ADARB2: variants seen among roughly 807,000 people sequenced by gnomAD.
ADARB2 encodes adenosine deaminase RNA specific B2 (inactive).
Under a neutral mutation model 62.2 loss-of-function variants are expected in ADARB2, and 25 were observed. That is an observed-to-expected ratio of 0.40 (90% CI 0.29 to 0.56). The LOEUF (loss-of-function observed/expected upper bound fraction) is 0.56. Ranked by LOEUF, ADARB2 falls within the 20% of genes least tolerant of loss-of-function variation. The probability of loss-of-function intolerance (pLI) is 0.43; values close to 1 mark genes in which losing one functional copy is unlikely to be tolerated. For missense variants in ADARB2, 1,071 were observed against 1,077.4 expected, an observed-to-expected ratio of 0.99 and a Z score of 0.08; for synonymous variants, 572 against 500.8, an observed-to-expected ratio of 1.14 and a Z score of -1.90.
chr10:1,329,929 CTTTT>C (rs370355543), intron 3 of ADARB2, among the ~76,000 whole-genome samples: 7 of 100,246 alleles, frequency 7.0e-5, no homozygotes, highest in Middle Eastern at 0.013. Flanking sequence ...GAAGAAGTGC[CTTTT>C]TTTTTTTTTT....
At chr10:1,638,934 G>T (rs1316546708) in intron 1 of ADARB2, among the ~76,000 whole-genome samples, 1 of 152,364 alleles carries the variant, frequency 6.6e-6, no homozygotes. Context: ...CTTAAAGGAG[G>T]TGGAGAGGCT....
chr10:1,440,196 C>A (rs972175612), intron 1 of ADARB2, among the ~76,000 whole-genome samples: 4 of 152,132 alleles, frequency 2.6e-5, no homozygotes, highest in African/African-American at 9.7e-5. Flanking sequence ...AGGATGGAGG[C>A]AGGCCCTTCA....
chr10:1,445,622 G>T (rs1830960757), intron 1 of ADARB2, among the ~76,000 whole-genome samples: 1 of 152,234 alleles, frequency 6.6e-6, no homozygotes, highest in South Asian at 2.1e-4. Context: ...GAGGAAATCA[G>T]AAATTTAATA....
At chr10:1,576,159 G>C (rs796784984) in intron 1 of ADARB2, among the ~76,000 whole-genome samples, 1 of 122,032 alleles carries the variant, frequency 8.2e-6, no homozygotes, top group African/African-American at 2.9e-5. Flanking sequence ...CACGGTCACA[G>C]GAGGGGGGTT....
intron 1 of ADARB2, among the ~76,000 whole-genome samples, chr10:1,611,540 A>C (rs554323630): frequency 6.6e-6 from 1 of 152,154 alleles, no homozygotes; most frequent in East Asian, 1.9e-4. Context: ...TCGTGGGATG[A>C]GAACTCGGCT....
At chr10:1,709,069 T>A (rs758089614) in intron 1 of ADARB2, among the ~76,000 whole-genome samples, 2 of 152,182 alleles carry the variant, frequency 1.3e-5, no homozygotes, top group African/African-American at 4.8e-5. Flanking sequence ...GCTGACCCCA[T>A]TGATCTAAAC....
chr10:1,584,768 T>G (rs1157363872), intron 1 of ADARB2, among the ~76,000 whole-genome samples: 1 of 152,076 alleles, frequency 6.6e-6, no homozygotes. Context: ...ATTCAGTGCT[T>G]GAAAGAAATG....
chr10:1,596,500 G>A (rs1200788818), intron 1 of ADARB2, among the ~76,000 whole-genome samples: 1 of 152,160 alleles, frequency 6.6e-6, no homozygotes, highest in Admixed American at 6.5e-5. Context: ...AAATATTCAC[G>A]TGCAACCCCC....
chr10:1,407,168 G>A (rs2805531), intron 1 of ADARB2, among the ~76,000 whole-genome samples: 10,217 of 152,264 alleles, frequency 0.067, 1,190 homozygotes, highest in African/African-American at 0.23. Flanking sequence ...CACAGTGGCA[G>A]GACTGGCACA....
At chr10:1,243,134 T>A (rs1243775330) in intron 4 of ADARB2, among the ~76,000 whole-genome samples, 4 of 152,148 alleles carry the variant, frequency 2.6e-5, no homozygotes, top group Non-Finnish European at 4.4e-5. Flanking sequence ...ATTAGACGGG[T>A]CAGTGTTGCC....
rs1428757674 is a variant in ADARB2 at position 1,180,002 on chromosome 10, C to T, written c.*3191G>A. The stretch of plus-strand genomic sequence containing the variant: ...GTCCCCTACTTGTGTCTTGCCCCCT[C>T]ACTTGGAGGGGAATGGGTGGCCACT... On this transcript the variant is annotated 3_prime_UTR_variant, in exon 10 of 10. Transcript: ENST00000381312. 1.3e-5 allele frequency: 2 copies of T among 152,020 alleles called. No homozygotes were observed. Among genetic ancestry groups the T allele is most frequent in the African/African-American group, 2.4e-5 (1 of 41,244 alleles). 9.4% of individuals were successfully genotyped at this position (152,020 alleles called of 1,614,324 possible).
chr10:1,193,275 C>T (rs536012250), intron 8 of ADARB2, among the ~76,000 whole-genome samples: 4 of 152,248 alleles, frequency 2.6e-5, no homozygotes, highest in East Asian at 1.9e-4. Flanking sequence ...GATGGACGAC[C>T]GCTCAGGTTC....
intron 1 of ADARB2, among the ~76,000 whole-genome samples, chr10:1,608,741 GAAGA>G (rs1833527193): frequency 1.5e-5 from 2 of 130,940 alleles, no homozygotes; most frequent in South Asian, 2.4e-4. Flanking sequence ...GAAAGAAAGA[GAAGA>G]AAGAAGGAAG....
At chr10:1,479,812 C>A (rs1831444919) in intron 1 of ADARB2, among the ~76,000 whole-genome samples, 1 of 152,210 alleles carries the variant, frequency 6.6e-6, no homozygotes, top group Non-Finnish European at 1.5e-5. Context: ...ACACACACTT[C>A]ATTCATTTGT....
intron 1 of ADARB2, among the ~76,000 whole-genome samples, chr10:1,427,098 A>G (rs1305223723): frequency 6.6e-6 from 1 of 152,248 alleles, no homozygotes; most frequent in Non-Finnish European, 1.5e-5. Flanking sequence ...ACTCACATGG[A>G]GTCCCAGCTG....
intron 1 of ADARB2, among the ~76,000 whole-genome samples, chr10:1,624,965 T>C (rs1588328272): frequency 6.6e-6 from 1 of 152,282 alleles, no homozygotes; most frequent in East Asian, 1.9e-4. Context: ...TATATCTCAA[T>C]AAAAATAAAT....
intron 1 of ADARB2, among the ~76,000 whole-genome samples, chr10:1,406,870 T>TG (rs1184466522): frequency 6.6e-6 from 1 of 152,004 alleles, no homozygotes; most frequent in African/African-American, 2.4e-5. Context: ...AGATGATGAA[T>TG]GGGGGGAGTG....
chr10:1,257,496 T>C (rs1831090523), intron 4 of ADARB2, among the ~76,000 whole-genome samples: 1 of 152,150 alleles, frequency 6.6e-6, no homozygotes, highest in South Asian at 2.1e-4. Flanking sequence ...ATCCCCTCTC[T>C]AACCTGGGAG....
At chr10:1,375,584 G>T (rs1258213406) in intron 2 of ADARB2, among the ~76,000 whole-genome samples, 1 of 152,230 alleles carries the variant, frequency 6.6e-6, no homozygotes, top group Non-Finnish European at 1.5e-5. Flanking sequence ...TGCAATACAC[G>T]CCAGGTGGGA....
Sources: allele counts gnomAD v4.1 joint callset (sites outside exome capture counted in the v4.1 genomes callset), GRCh38; gene constraint gnomAD v4.1.1; transcripts MANE v1.5; gene names NCBI Gene and HGNC (gene_info 2026-07-23, HGNC 2026-07-21).